The following STAC variants were observed in gnomAD, a reference collection of about 807,000 sequenced individuals.
STAC encodes the protein SH3 and cysteine-rich domain-containing protein.
Under a neutral mutation model 48.8 loss-of-function variants are expected in STAC, and 43 were observed. The ratio of observed to expected loss-of-function variants is 0.88; its 90% CI spans 0.69 to 1.14. The LOEUF (loss-of-function observed/expected upper bound fraction) is 1.14, where lower values mean the gene tolerates loss of function less well. Among genes scored for constraint, STAC ranks in the 50% most tolerant of loss-of-function variants. The probability of loss-of-function intolerance (pLI) is 0.00; values close to 1 mark genes in which losing one functional copy is unlikely to be tolerated. For synonymous variants in STAC, 193 were observed against 179.5 expected (o/e 1.07, Z -0.60); for missense variants, 497 against 504.0 (o/e 0.99, Z 0.13).
In STAC at chr3:36,527,516, T is replaced by C. The variant is rs529571263; in HGVS notation, c.921-1180T>C. ...AAGACAAGCCCAAATACAAAATAAA[T>C]GATCAGGAAAATAAAATTGAGAAAA... On this transcript the variant is annotated intron_variant, in intron 8 of 10. Transcript: ENST00000273183. Among the ~76,000 whole-genome samples, 4 of 151,740 alleles carry C rather than the reference T, an allele frequency of 2.6e-5. No individual in the cohort carries two copies. The East Asian group carries it at 7.8e-4, about 29-fold the overall frequency.
chr3:36,380,833 C>G, intron 1 of STAC, 79 bp downstream of exon 1: 2 of 1,138,106 alleles, frequency 1.8e-6, no homozygotes, highest in South Asian at 1.5e-5. Flanking sequence ...CTCCTCCTAT[C>G]TAGCACGGGC....
intron 6 of STAC, 112 bp downstream of exon 6, chr3:36,493,341 C>A: frequency 1.0e-6 from 1 of 954,842 alleles, no homozygotes; most frequent in Non-Finnish European, 1.6e-6. Flanking sequence ...GGAATTTAAT[C>A]AGGGCGAGTG....
At chr3:36,522,373 C>T (rs1266843208) in intron 8 of STAC, among the ~76,000 whole-genome samples, 2 of 152,154 alleles carry the variant, frequency 1.3e-5, no homozygotes, top group African/African-American at 4.8e-5. Context: ...CAATAACAGC[C>T]ACCATCTAAT....
chr3:36,479,754 T>C (rs1697594786), intron 2 of STAC, among the ~76,000 whole-genome samples: 2 of 152,254 alleles, frequency 1.3e-5, no homozygotes, highest in South Asian at 4.1e-4. Context: ...AACTATGTTT[T>C]TTCCTACTCT....
intron 6 of STAC, among the ~76,000 whole-genome samples, chr3:36,498,705 A>T (rs1279561904): frequency 1.3e-5 from 2 of 152,130 alleles, no homozygotes; most frequent in Non-Finnish European, 2.9e-5. Context: ...GTGAGCCATG[A>T]TTATGCCACT....
chr3:36,460,387 G>C (rs1696975757), intron 2 of STAC, among the ~76,000 whole-genome samples: 2 of 152,056 alleles, frequency 1.3e-5, no homozygotes, highest in Non-Finnish European at 1.5e-5. Context: ...TTTTTTAATA[G>C]GTCACTGGCA....
chr3:36,457,754 C>T (rs969234242), intron 2 of STAC, among the ~76,000 whole-genome samples: 17 of 152,266 alleles, frequency 1.1e-4, no homozygotes, highest in South Asian at 8.3e-4. Context: ...CAGGAGGATA[C>T]CTCCTCCTAA....
At chr3:36,507,302 G>C (rs540174971) in intron 8 of STAC, among the ~76,000 whole-genome samples, 1 of 152,182 alleles carries the variant, frequency 6.6e-6, no homozygotes, top group African/African-American at 2.4e-5. Context: ...TTTTTGTCGT[G>C]CTGCTGGATT....
rs776401223 is a variant in STAC, at chr3:36,485,037, A to G, written c.550A>G (p.Ile184Val). Residue 184 changes from isoleucine (I) to valine (V), a missense_variant, in exon 4 of 11, where the codon ATT becomes GTT. Coordinates refer to ENST00000273183, the MANE Select transcript of STAC (RefSeq NM_003149.3). Reference protein sequence around the residue: ...PLLIHEQFGCIKEVMPIACGN... With the variant: ...PLLIHEQFGCVKEVMPIACGN... ...GCTCATTCATGAACAGTTTGGCTGCATTAAAGAAGTTATGCCCATTGGTGA... is the reference window on the plus strand; with the variant it reads ...GCTCATTCATGAACAGTTTGGCTGCGTTAAAGAAGTTATGCCCATTGGTGA... 1.2e-5 allele frequency: 19 copies of G among 1,603,722 alleles called. No homozygotes were observed. The highest frequency in any genetic ancestry group is 1.4e-5 in the Non-Finnish European group (16 of 1,175,342).
intron 1 of STAC, among the ~76,000 whole-genome samples, chr3:36,424,695 A>T (rs1700523681): frequency 6.6e-6 from 1 of 152,130 alleles, no homozygotes; most frequent in Non-Finnish European, 1.5e-5. Context: ...AAAAGTAGGG[A>T]AGTGTTCAAA....
intron 2 of STAC, among the ~76,000 whole-genome samples, chr3:36,456,161 C>T (rs1696850123): frequency 6.6e-6 from 1 of 152,066 alleles, no homozygotes; most frequent in East Asian, 1.9e-4. Flanking sequence ...TCCACTTCAG[C>T]CTGTACCAGA....
At chr3:36,450,759 G>A (rs9917678) in intron 2 of STAC, among the ~76,000 whole-genome samples, 11,647 of 152,104 alleles carry the variant, frequency 0.077, 965 homozygotes, top group African/African-American at 0.21. Context: ...TCCCAAATTC[G>A]GGTGATCCAC....
At chr3:36,417,973 A>G (rs957988909) in intron 1 of STAC, among the ~76,000 whole-genome samples, 1 of 152,236 alleles carries the variant, frequency 6.6e-6, no homozygotes, top group Non-Finnish European at 1.5e-5. Context: ...ATATTCAAGT[A>G]TATGAGTGAA....
intron 1 of STAC, among the ~76,000 whole-genome samples, chr3:36,387,900 G>A (rs957028634): frequency 1.3e-5 from 2 of 152,032 alleles, no homozygotes; most frequent in Admixed American, 1.3e-4. Context: ...AATTTTTTGA[G>A]AAATTGCCAT....
At chr3:36,521,640 G>C (rs944114861) in intron 8 of STAC, among the ~76,000 whole-genome samples, 1 of 152,094 alleles carries the variant, frequency 6.6e-6, no homozygotes, top group African/African-American at 2.4e-5. Context: ...TGAAGTCAAG[G>C]CTATTTCATT....
intron 1 of STAC, among the ~76,000 whole-genome samples, chr3:36,395,195 G>C (rs1040390572): frequency 2.0e-5 from 3 of 152,068 alleles, no homozygotes. Context: ...TTGCATACTG[G>C]GAAGAAACAG....
At chr3:36,486,053 G>A in intron 4 of STAC, 81 bp from the exon 5 acceptor site, 2 of 1,063,990 alleles carry the variant, frequency 1.9e-6, no homozygotes, top group Non-Finnish European at 2.8e-6. Flanking sequence ...CTCAGGCGCT[G>A]TTCACCCAGG....
At chr3:36,481,921 A>G (rs2125698906) in intron 2 of STAC, among the ~76,000 whole-genome samples, 1 of 152,332 alleles carries the variant, frequency 6.6e-6, no homozygotes, top group East Asian at 1.9e-4. Flanking sequence ...ACAACAGAGC[A>G]CACCCCATCC....
chr3:36,426,544 T>A (rs1700568288), intron 1 of STAC, among the ~76,000 whole-genome samples: 1 of 152,266 alleles, frequency 6.6e-6, no homozygotes, highest in Non-Finnish European at 1.5e-5. Flanking sequence ...GTATTCTGCA[T>A]ATAAATTGTT....
Sources: allele counts gnomAD v4.1 joint callset (sites outside exome capture counted in the v4.1 genomes callset), GRCh38; gene constraint gnomAD v4.1.1; transcripts MANE v1.5; gene names NCBI Gene and HGNC (gene_info 2026-07-23, HGNC 2026-07-21).